FUT8: variants seen among roughly 807,000 people sequenced by gnomAD.
FUT8 encodes fucosyltransferase 8, also known as alpha-(1,6)-fucosyltransferase.
Under a neutral mutation model 71.3 loss-of-function variants are expected in FUT8, and 29 were observed. The ratio of observed to expected loss-of-function variants is 0.41; its 90% CI spans 0.30 to 0.55. FUT8 has a LOEUF of 0.55. Among genes scored for constraint, FUT8 ranks in the 20% least tolerant of loss-of-function variants. The pLI is 0.34. For missense variants in FUT8, 544 were observed against 702.1 expected, an observed-to-expected ratio of 0.77 and a Z score of 2.55; for synonymous variants, 254 against 239.3, an observed-to-expected ratio of 1.06 and a Z score of -0.57.
intron 2 of FUT8, among the ~76,000 whole-genome samples, chr14:65,479,957 T>C (rs867336030): frequency 1.3e-5 from 2 of 152,192 alleles, no homozygotes; most frequent in Non-Finnish European, 2.9e-5. Flanking sequence ...TAAAATTTTC[T>C]TACATGAAGA....
At chr14:65,634,031 C>T (rs1309119496) in intron 6 of FUT8, among the ~76,000 whole-genome samples, 4 of 152,240 alleles carry the variant, frequency 2.6e-5, no homozygotes, top group African/African-American at 4.8e-5. Flanking sequence ...TGAGGAGCCC[C>T]TCTGCCCGGC....
At chr14:65,611,308 A>C (rs148830255) in intron 3 of FUT8, among the ~76,000 whole-genome samples, 8 of 104,412 alleles carry the variant, frequency 7.7e-5, no homozygotes, top group South Asian at 3.0e-4. Context: ...CACACCCCCC[A>C]AGTAATAGCC....
chr14:65,474,640 C>A (rs539160730), intron 2 of FUT8, among the ~76,000 whole-genome samples: 2 of 152,042 alleles, frequency 1.3e-5, no homozygotes, highest in East Asian at 3.9e-4. Context: ...TGTACCTAAT[C>A]TTCTAGCCTT....
At chr14:65,723,214 G>T (rs182852286) in intron 8 of FUT8, among the ~76,000 whole-genome samples, 2 of 151,484 alleles carry the variant, frequency 1.3e-5, no homozygotes, top group Non-Finnish European at 2.9e-5. Context: ...AGTACCAGCT[G>T]TTCGGGAGGC....
At chr14:65,382,909 T>A in the FUT8 span, among the ~76,000 whole-genome samples, 1 of 152,160 alleles carries the variant, frequency 6.6e-6, no homozygotes, top group South Asian at 2.1e-4. Flanking sequence ...AAATCTTTTT[T>A]TTTTGCCCCA....
intron 5 of FUT8, among the ~76,000 whole-genome samples, chr14:65,629,087 GA>G (rs1476847716): frequency 6.6e-6 from 1 of 152,058 alleles, no homozygotes; most frequent in Admixed American, 6.6e-5. Flanking sequence ...AATATGAAGA[GA>G]AAAATTAAAA....
chr14:65,392,526 T>G, the FUT8 span, among the ~76,000 whole-genome samples: 1 of 152,150 alleles, frequency 6.6e-6, no homozygotes, highest in Non-Finnish European at 1.5e-5. Flanking sequence ...GAAATACCAG[T>G]GCAGCAAGTA....
chr14:65,548,778 A>C (rs1885120262), intron 2 of FUT8, among the ~76,000 whole-genome samples: 1 of 152,126 alleles, frequency 6.6e-6, no homozygotes, highest in South Asian at 2.1e-4. Context: ...TACTGTTAAA[A>C]GAATAAAAAG....
upstream of FUT8, chr14:65,412,595 T>C: frequency 6.2e-6 from 2 of 323,292 alleles, no homozygotes; most frequent in Non-Finnish European, 1.2e-5. Context: ...ATGCTGCTGC[T>C]ACGCTCTCCA....
rs960021800 is a variant in FUT8, at chr14:65,603,091, T to A, written c.204-12887T>A. On this transcript the variant is annotated intron_variant, in intron 3 of 10. Transcript: ENST00000673929. This position sits in a 1 kb window ranked among gnomAD's most constrained non-coding sequence, Gnocchi z 4.5. ...TAGAAGGATTTTTTCCGATGTTATTTTCTAGATTTTTTTATAGTTTCAGGT... is the reference window on the plus strand; with the variant it reads ...TAGAAGGATTTTTTCCGATGTTATTATCTAGATTTTTTTATAGTTTCAGGT... 9.9e-5 allele frequency among the ~76,000 whole-genome samples: 15 copies of A among 152,096 alleles called. 1 individual carries two copies. The highest frequency in any genetic ancestry group is 6.8e-3 in the Middle Eastern group (2 of 294).
At chr14:65,579,020 A>G (rs1009296430) in intron 3 of FUT8, among the ~76,000 whole-genome samples, 3 of 152,282 alleles carry the variant, frequency 2.0e-5, no homozygotes, top group Non-Finnish European at 4.4e-5. Context: ...ATGGAATGCT[A>G]TATCTGCAAA....
intron 3 of FUT8, among the ~76,000 whole-genome samples, chr14:65,571,501 G>A (rs949655157): frequency 6.6e-5 from 10 of 152,078 alleles, no homozygotes; most frequent in African/African-American, 2.2e-4. Flanking sequence ...TACATACAGG[G>A]CCTGCAAGAA....
chr14:65,539,782 GT>G (rs1884568707), intron 2 of FUT8, among the ~76,000 whole-genome samples: 2 of 152,136 alleles, frequency 1.3e-5, no homozygotes, highest in Admixed American at 1.3e-4. Flanking sequence ...ATAAAATGGG[GT>G]TGTGATAATT....
intron 7 of FUT8, among the ~76,000 whole-genome samples, chr14:65,689,365 A>C (rs1893461194): frequency 6.6e-6 from 1 of 152,152 alleles, no homozygotes; most frequent in African/African-American, 2.4e-5. Context: ...CTTTCTTACT[A>C]TTAAGTTTTA....
chr14:65,499,843 A>G (rs1277873213), intron 2 of FUT8, among the ~76,000 whole-genome samples: 1 of 151,990 alleles, frequency 6.6e-6, no homozygotes, highest in East Asian at 1.9e-4. Context: ...ATGCCAGCAA[A>G]TAGTATGTGT....
At chr14:65,624,937 A>C (rs1889816675) in intron 5 of FUT8, among the ~76,000 whole-genome samples, 1 of 152,156 alleles carries the variant, frequency 6.6e-6, no homozygotes, top group South Asian at 2.1e-4. Flanking sequence ...GTGGTGGTGC[A>C]TGCCTGTAAT....
At chr14:65,690,776 G>A (rs965756526) in intron 7 of FUT8, among the ~76,000 whole-genome samples, 3 of 151,478 alleles carry the variant, frequency 2.0e-5, no homozygotes, top group Non-Finnish European at 4.4e-5. Context: ...CCAGGCTGGA[G>A]TGTAGTGGCG....
chr14:65,496,372 G>A (rs1448851134), intron 2 of FUT8, among the ~76,000 whole-genome samples: 1 of 152,028 alleles, frequency 6.6e-6, no homozygotes, highest in Non-Finnish European at 1.5e-5. Context: ...TAGTCATATA[G>A]GAACATTTAT....
intron 3 of FUT8, among the ~76,000 whole-genome samples, chr14:65,563,165 T>C (rs952682735): frequency 1.9e-4 from 29 of 152,154 alleles, no homozygotes; most frequent in African/African-American, 7.0e-4. Context: ...TTTTCTTTCC[T>C]ACTTGGGGTA....
Sources: gnomAD v4.1 joint callset for allele counts (sites outside exome capture counted in the v4.1 genomes callset) on GRCh38, gnomAD v4.1.1 for gene constraint, Gnocchi (gnomAD v3.1) non-coding constraint, MANE v1.5 for transcripts, NCBI Gene and HGNC (gene_info 2026-07-23, HGNC 2026-07-21) for gene names.